Variants in CMIP observed in about 807,000 individuals in gnomAD.
The protein encoded by CMIP is c-Maf inducing protein.
CMIP carries 13 observed loss-of-function variants against 97.3 expected under a neutral mutation model. The ratio of observed to expected loss-of-function variants is 0.13; its 90% CI spans 0.09 to 0.21. The LOEUF is 0.21. Among genes scored for constraint, CMIP ranks in the 10% least tolerant of loss-of-function variants. CMIP has a pLI of 1.00. For synonymous variants in CMIP, 538 were observed against 436.3 expected (o/e 1.23, Z -2.91); for missense variants, 847 against 1,024.9 (o/e 0.83, Z 2.37).
At chr16:81,493,232 C>G (rs2089432839) in intron 1 of CMIP, among the ~76,000 whole-genome samples, 2 of 152,192 alleles carry the variant, frequency 1.3e-5, no homozygotes, top group South Asian at 4.1e-4. Flanking sequence ...CTCTAGGGCC[C>G]TCCCCCAGCA....
At chr16:81,636,441 C>T (rs571021018) in intron 3 of CMIP, among the ~76,000 whole-genome samples, 47 of 151,730 alleles carry the variant, frequency 3.1e-4, no homozygotes, top group Non-Finnish European at 5.0e-4. Flanking sequence ...ATTAGCTAGG[C>T]GTGGTGGCAG....
intron 1 of CMIP, among the ~76,000 whole-genome samples, chr16:81,504,242 C>T (rs1474411448): frequency 6.6e-6 from 1 of 151,964 alleles, no homozygotes; most frequent in Non-Finnish European, 1.5e-5. Context: ...AGGAGAATCG[C>T]TTGAACCCGG....
chr16:81,511,523 G>C (rs888589426), intron 1 of CMIP, among the ~76,000 whole-genome samples: 2 of 152,170 alleles, frequency 1.3e-5, no homozygotes, highest in African/African-American at 4.8e-5. Context: ...ACATTCCTCT[G>C]TTCCCTGTAT....
At chr16:81,673,069 G>A (rs369911010) in intron 9 of CMIP, among the ~76,000 whole-genome samples, 8 of 152,278 alleles carry the variant, frequency 5.3e-5, no homozygotes, top group South Asian at 2.1e-4. Flanking sequence ...GCAAGTGACC[G>A]GAAGAGGTGG....
chr16:81,696,249 G>A (rs1906705339), intron 13 of CMIP: 2 of 455,846 alleles, frequency 4.4e-6, no homozygotes, highest in African/African-American at 4.1e-5. Flanking sequence ...GGTTGCTCTG[G>A]GCATCTCTAC....
intron 15 of CMIP, 68 bp downstream of exon 15, chr16:81,699,869 A>G (rs1471397124): frequency 1.8e-6 from 2 of 1,105,950 alleles, no homozygotes; most frequent in Non-Finnish European, 2.7e-6. Flanking sequence ...CCGATAGAGC[A>G]TCTGCTGGGA....
intron 1 of CMIP, among the ~76,000 whole-genome samples, chr16:81,454,223 G>A (rs1020652491): frequency 6.6e-6 from 1 of 152,202 alleles, no homozygotes; most frequent in Non-Finnish European, 1.5e-5. Context: ...CCTACTGTGT[G>A]CCGGGCACAG....
At chr16:81,534,917 G>A (rs938037823) in intron 1 of CMIP, among the ~76,000 whole-genome samples, 1 of 152,072 alleles carries the variant, frequency 6.6e-6, no homozygotes, top group Non-Finnish European at 1.5e-5. Context: ...TCCTTGCTCT[G>A]CCACTGTGCT....
intron 9 of CMIP, among the ~76,000 whole-genome samples, chr16:81,674,486 G>A (rs2092710651): frequency 6.6e-6 from 1 of 152,166 alleles, no homozygotes; most frequent in African/African-American, 2.4e-5. Context: ...CGTTACATTT[G>A]GGAACACATC....
chr16:81,464,000 C>T (rs1907048085), intron 1 of CMIP: 1 of 152,266 alleles, frequency 6.6e-6, no homozygotes, highest in Admixed American at 6.5e-5. Context: ...TGAGTGCAGC[C>T]AGGATTTTCC....
intron 3 of CMIP, among the ~76,000 whole-genome samples, chr16:81,640,002 C>G (rs972601171): frequency 4.6e-5 from 7 of 152,150 alleles, no homozygotes; most frequent in African/African-American, 1.4e-4. Context: ...GAGAGGACAG[C>G]TTGGGGCCGG....
At chr16:81,553,526 G>A (rs1380396075) in intron 1 of CMIP, among the ~76,000 whole-genome samples, 2 of 152,098 alleles carry the variant, frequency 1.3e-5, no homozygotes, top group Non-Finnish European at 2.9e-5. Context: ...TGCCTGTCCC[G>A]GCGCCAGCTT....
chr16:81,585,842 G>C (rs1289594007), intron 1 of CMIP, among the ~76,000 whole-genome samples: 1 of 152,150 alleles, frequency 6.6e-6, no homozygotes, highest in Non-Finnish European at 1.5e-5. Context: ...TCGGCTGTGA[G>C]CAGAGTTAGT....
At chr16:81,557,012 A>G (rs896342852) in intron 1 of CMIP, among the ~76,000 whole-genome samples, 1 of 152,198 alleles carries the variant, frequency 6.6e-6, no homozygotes, top group Non-Finnish European at 1.5e-5. Flanking sequence ...GGTGAAGTTC[A>G]CGCAAAGTGT....
intron 20 of CMIP, among the ~76,000 whole-genome samples, chr16:81,708,225 G>A (rs1417440729): frequency 6.6e-6 from 1 of 152,236 alleles, no homozygotes; most frequent in African/African-American, 2.4e-5. Flanking sequence ...AGGTGGCAGG[G>A]GCACAGCCAG....
At chr16:81,461,649 C>A (rs1906903062) in intron 1 of CMIP, among the ~76,000 whole-genome samples, 1 of 152,236 alleles carries the variant, frequency 6.6e-6, no homozygotes, top group Non-Finnish European at 1.5e-5. Flanking sequence ...TTGAAGCCTT[C>A]TCCACACCAG....
chr16:81,684,093 G>T lies in CMIP; in HGVS notation c.1388+5465G>T, dbSNP rs182223839. ...AAACTTTAAACTGCTCATTCCTGGA[G>T]CACATGATAACTCTAGAAACTCAAA... On this transcript the variant is annotated intron_variant, in intron 10 of 20. Transcript: ENST00000537098. 5.3e-5 allele frequency among the ~76,000 whole-genome samples: 8 copies of T among 152,298 alleles called. No homozygotes were observed. In the East Asian group the frequency reaches 5.8e-4, roughly 11 times the overall value.
At chr16:81,485,158 T>C (rs2089296167) in intron 1 of CMIP, among the ~76,000 whole-genome samples, 1 of 152,214 alleles carries the variant, frequency 6.6e-6, no homozygotes. Context: ...TGTGGAGTAT[T>C]CTATTGCGTA....
chr16:81,471,591 A>C (rs2150747304), intron 1 of CMIP, among the ~76,000 whole-genome samples: 1 of 152,198 alleles, frequency 6.6e-6, no homozygotes, highest in Middle Eastern at 3.4e-3. Flanking sequence ...ACACACACAC[A>C]CAGTTATACA....
Sources: allele counts gnomAD v4.1 joint callset (sites outside exome capture counted in the v4.1 genomes callset), GRCh38; gene constraint gnomAD v4.1.1; transcripts MANE v1.5; gene names NCBI Gene and HGNC (gene_info 2026-07-23, HGNC 2026-07-21).